FAM178B: variants seen among roughly 807,000 people sequenced by gnomAD.
FAM178B encodes the protein family with sequence similarity 178 member B, also known as protein FAM178B.
Under a neutral mutation model 91.7 loss-of-function variants are expected in FAM178B, and 82 were observed. That is an observed-to-expected ratio of 0.89 (90% CI 0.75 to 1.07). The LOEUF is 1.07. Among genes scored for constraint, FAM178B ranks in the 50% least tolerant of loss-of-function variants. The pLI, the probability that FAM178B is intolerant of heterozygous loss-of-function variation, is 0.00. For synonymous variants in FAM178B, 368 were observed against 359.4 expected, an observed-to-expected ratio of 1.02 and a Z score of -0.27; for missense variants, 769 against 846.7, an observed-to-expected ratio of 0.91 and a Z score of 1.14.
chr2:96,976,616 G>A (rs2082291977), intron 1 of FAM178B, among the ~76,000 whole-genome samples: 1 of 151,664 alleles, frequency 6.6e-6, no homozygotes, highest in Non-Finnish European at 1.5e-5. Flanking sequence ...AGGCCAAGGC[G>A]GGCAAATCAC....
Position 96,958,486 on chromosome 2 carries a change from A to C in FAM178B, c.887+1802T>G, listed in dbSNP as rs1015391111. On this transcript the variant is annotated intron_variant, in intron 6 of 16. Transcript: ENST00000490605. ...GAGAATCACTTGAGCCCTGGAGTTCAAGACCAACCTGGGCAACATGGCGAG... is the reference window on the plus strand; with the variant it reads ...GAGAATCACTTGAGCCCTGGAGTTCCAGACCAACCTGGGCAACATGGCGAG... 3.3e-5 allele frequency among the ~76,000 whole-genome samples: 5 copies of C among 151,700 alleles called. No individual in the cohort carries two copies. The South Asian group carries it at 6.2e-4, about 19-fold the overall frequency.
At chr2:96,935,888 G>A (rs1039826803) in intron 8 of FAM178B, among the ~76,000 whole-genome samples, 8 of 151,500 alleles carry the variant, frequency 5.3e-5, no homozygotes, top group East Asian at 3.9e-4. Context: ...CACGTGCCTC[G>A]GCTCCGCAAA....
intron 5 of FAM178B, among the ~76,000 whole-genome samples, chr2:96,961,904 G>A (rs1246433285): frequency 1.3e-5 from 2 of 152,216 alleles, no homozygotes; most frequent in East Asian, 1.9e-4. Context: ...GCTTCAGGAA[G>A]CATCTCACCA....
Position 96,972,067 on chromosome 2 carries a change from C to T in FAM178B, c.398G>A (p.Arg133Lys). ...CTGGGGGCCCACCACACCCACCCAC[C>T]TCTGGGCCGGGGCCTCCCGACTGGC... ...LQASREAPAQRWVGVVGPQGL... is the reference protein window; with the variant it reads ...LQASREAPAQKWVGVVGPQGL... The change falls in exon 3 of 17, where the codon AGG becomes AAG. Residue 133 changes from arginine to lysine, a missense_variant. By Grantham distance (26) the Arg-to-Lys change is conservative (BLOSUM62 2). Transcript: ENST00000490605. 1 of 1,545,162 alleles carries T rather than the reference C, an allele frequency of 6.5e-7. No individual in the cohort carries two copies. Among genetic ancestry groups the T allele is most frequent in the South Asian group, 1.2e-5 (1 of 82,970 alleles).
chr2:96,971,001 T>C (rs1044976847), intron 3 of FAM178B, among the ~76,000 whole-genome samples: 2 of 150,822 alleles, frequency 1.3e-5, no homozygotes, highest in Non-Finnish European at 3.0e-5. Context: ...CAGGTGCCCA[T>C]GGGATAGGCA....
chr2:96,886,437 T>C (rs745510755), intron 14 of FAM178B, among the ~76,000 whole-genome samples: 66 of 152,288 alleles, frequency 4.3e-4, no homozygotes, highest in Non-Finnish European at 7.2e-4. Flanking sequence ...AGTGTTAGGT[T>C]AGAAGCTGAG....
At chr2:96,936,423 G>C (rs13002702) in intron 8 of FAM178B, among the ~76,000 whole-genome samples, 5 of 150,936 alleles carry the variant, frequency 3.3e-5, no homozygotes, top group East Asian at 2.0e-4. Context: ...GGATGGTCTC[G>C]ATCTCCCGAC....
chr2:96,981,879 C>T (rs4063952), intron 1 of FAM178B, among the ~76,000 whole-genome samples: 82,715 of 151,860 alleles, frequency 0.54, 27,931 homozygotes, highest in Non-Finnish European at 0.76. Flanking sequence ...CCAGCCCAGG[C>T]AACACAGTGA....
At position 96,889,801 on chromosome 2, in the gene FAM178B, T is replaced by C. The variant is rs191247730; in HGVS notation, c.1776+4125A>G. Among the ~76,000 whole-genome samples, 7 of 151,770 alleles carry C rather than the reference T, an allele frequency of 4.6e-5. No individual in the cohort carries two copies. The East Asian group carries it at 9.7e-4, about 21-fold the overall frequency. ...AAGTGTGGTAACGAGGAGTATAATATGCAATAGCAGGTTTTGACAGCCAAA... is the reference window on the plus strand; with the variant it reads ...AAGTGTGGTAACGAGGAGTATAATACGCAATAGCAGGTTTTGACAGCCAAA... On this transcript the variant is annotated intron_variant, in intron 14 of 16. Transcript: ENST00000490605.
intron 12 of FAM178B, among the ~76,000 whole-genome samples, chr2:96,917,102 G>A (rs563938528): frequency 1.9e-4 from 29 of 152,302 alleles, no homozygotes; most frequent in East Asian, 5.8e-4. Context: ...CGGAAACGGC[G>A]GGTACGTGCA....
intron 12 of FAM178B, among the ~76,000 whole-genome samples, chr2:96,920,316 T>C (rs1360378127): frequency 1.3e-5 from 2 of 152,194 alleles, no homozygotes; most frequent in African/African-American, 4.8e-5. Flanking sequence ...GAAAAGAATT[T>C]ACAGGCCAGG....
intron 8 of FAM178B, among the ~76,000 whole-genome samples, chr2:96,936,214 A>T (rs944170340): frequency 5.3e-5 from 8 of 151,454 alleles, no homozygotes; most frequent in Admixed American, 2.0e-4. Context: ...TTATTTATTT[A>T]TTTTTGAGAC....
intron 14 of FAM178B, among the ~76,000 whole-genome samples, chr2:96,879,570 G>A (rs562781326): frequency 6.6e-6 from 1 of 152,350 alleles, no homozygotes; most frequent in Admixed American, 6.5e-5. Flanking sequence ...CCCAAATACC[G>A]CAGTGCAAAA....
At chr2:96,909,322 G>T (rs994019170) in intron 12 of FAM178B, among the ~76,000 whole-genome samples, 1 of 152,108 alleles carries the variant, frequency 6.6e-6, no homozygotes, top group Admixed American at 6.5e-5. Context: ...CTAACCAAAG[G>T]AAATCGTTCC....
intron 12 of FAM178B, among the ~76,000 whole-genome samples, chr2:96,907,899 G>C (rs1023854722): frequency 2.6e-4 from 39 of 152,230 alleles, no homozygotes; most frequent in Non-Finnish European, 4.6e-4. Flanking sequence ...CCTGGCCAAA[G>C]GCATGAGCTG....
intron 6 of FAM178B, among the ~76,000 whole-genome samples, chr2:96,954,370 G>A (rs1389558409): frequency 6.6e-6 from 1 of 152,272 alleles, no homozygotes; most frequent in Non-Finnish European, 1.5e-5. Context: ...GCGAGGGAAG[G>A]ACATCAGCTA....
intron 14 of FAM178B, among the ~76,000 whole-genome samples, chr2:96,886,038 G>A (rs1419687750): frequency 1.3e-5 from 2 of 152,264 alleles, no homozygotes; most frequent in African/African-American, 4.8e-5. Flanking sequence ...TTGTCTCCGC[G>A]GTGTTGGCAC....
chr2:96,981,361 T>C (rs1018171639), intron 1 of FAM178B, among the ~76,000 whole-genome samples: 1 of 152,220 alleles, frequency 6.6e-6, no homozygotes, highest in Non-Finnish European at 1.5e-5. Flanking sequence ...CACTCAATCA[T>C]CATGCTTATG....
intron 12 of FAM178B, among the ~76,000 whole-genome samples, chr2:96,919,201 G>T (rs2081292277): frequency 6.6e-6 from 1 of 152,190 alleles, no homozygotes; most frequent in Non-Finnish European, 1.5e-5. Flanking sequence ...AAAAGAGTGA[G>T]GTTTATTGTG....
Sources: allele counts gnomAD v4.1 joint callset (sites outside exome capture counted in the v4.1 genomes callset), GRCh38; gene constraint gnomAD v4.1.1; transcripts MANE v1.5; gene names NCBI Gene and HGNC (gene_info 2026-07-23, HGNC 2026-07-21).